VGLL1: variants seen among roughly 807,000 people sequenced by gnomAD.
VGLL1 encodes the protein transcription cofactor vestigial-like protein 1.
Under a neutral mutation model 12.0 loss-of-function variants are expected in VGLL1, and 4 were observed. That is an observed-to-expected ratio of 0.33 (90% CI 0.16 to 0.76). VGLL1 has a LOEUF of 0.76. Ranked by LOEUF, VGLL1 falls within the 30% of genes least tolerant of loss-of-function variation. The pLI is 0.60. For missense variants in VGLL1, 204 were observed against 208.7 expected (o/e 0.98, Z 0.14); for synonymous variants, 87 against 81.2 (o/e 1.07, Z -0.39).
chrX:136,551,249 G>T (rs761058823), intron 4 of VGLL1, among the ~76,000 whole-genome samples: 1 of 108,850 alleles, frequency 9.2e-6, no homozygotes, highest in South Asian at 4.1e-4. Flanking sequence ...TTTAACCTGA[G>T]CTGGACTTAA....
chrX:136,550,681 A>C, intron 3 of VGLL1, 87 bp from the exon 4 acceptor site: 11 of 671,182 alleles, frequency 1.6e-5, no homozygotes, highest in Non-Finnish European at 2.1e-5. Flanking sequence ...GGGCCAGGCA[A>C]TGTGGGGCCC....
chrX:136,548,692 G>T lies in VGLL1; in HGVS notation c.318G>T (p.Val106=), dbSNP rs763810399. The change falls in exon 3 of 5, where the codon GTG becomes GTT. Residue 106 remains valine (V), a synonymous_variant. Coordinates refer to ENST00000370634, the MANE Select transcript of VGLL1 (RefSeq NM_016267.4). ...TNRAANCNLH[V]PGPMAVNQFS... ...GTGCCGCCAACTGCAACTTGCATGTGCCTGGTCCCATGGCTGTGAATCAGT... is the reference window on the plus strand; with the variant it reads ...GTGCCGCCAACTGCAACTTGCATGTTCCTGGTCCCATGGCTGTGAATCAGT... 2 of 1,212,047 alleles carry T rather than the reference G, an allele frequency of 1.7e-6. No individual in the cohort carries two copies. The highest frequency in any genetic ancestry group is 1.8e-5 in the South Asian group (1 of 56,998).
At chrX:136,539,199 A>G (rs1055214455) in intron 2 of VGLL1, among the ~76,000 whole-genome samples, 6 of 112,117 alleles carry the variant, frequency 5.4e-5, no homozygotes, top group Non-Finnish European at 1.1e-4. Flanking sequence ...TCATCAAGCC[A>G]TGGTCTCACT....
Position 136,548,590 on chromosome X carries a change from T to C in VGLL1, c.216T>C (p.Asp72=), listed in dbSNP as rs1185051536. 1 of 1,206,371 alleles carries C rather than the reference T, an allele frequency of 8.3e-7. No individual in the cohort carries two copies. The highest frequency in any genetic ancestry group is 3.0e-5 in the East Asian group (1 of 33,683). The change falls in exon 3 of 5, where the codon GAT becomes GAC. Residue 72 remains aspartate, a splice_region_variant and synonymous_variant. Coordinates refer to ENST00000370634, the MANE Select transcript of VGLL1 (RefSeq NM_016267.4). ...SQSEGVMLKN[D]DSMSPNQWRY... is the part of the protein sequence containing the mutation. ...GTCTTCTAAATCTTTCCTTCTCAGA[T>C]GATAGCATGTCTCCAAATCAGTGGC... is the stretch of plus-strand genomic sequence containing the variant.
Position 136,544,250 on chromosome X carries a change from C to A in VGLL1, c.215-4339C>A, listed in dbSNP as rs1246229650. Reference sequence around the variant, plus strand: ...TATTTAGGTTGTTGCTAATCTTTCGCTATATTATACAAATCACTTTGAACA... The same window carrying A: ...TATTTAGGTTGTTGCTAATCTTTCGATATATTATACAAATCACTTTGAACA... On this transcript the variant is annotated intron_variant, in intron 2 of 4. Coordinates refer to ENST00000370634, the MANE Select transcript of VGLL1 (RefSeq NM_016267.4). Among the ~76,000 whole-genome samples, 3 of 112,382 alleles carry A rather than the reference C, an allele frequency of 2.7e-5. No homozygotes were observed. The East Asian group carries it at 8.3e-4, about 31-fold the overall frequency.
intron 4 of VGLL1, among the ~76,000 whole-genome samples, chrX:136,554,878 T>G (rs968394528): frequency 8.9e-6 from 1 of 112,579 alleles, no homozygotes; most frequent in African/African-American, 3.2e-5. Flanking sequence ...GGATATACCT[T>G]TTAAACAGTT....
chrX:136,538,637 G>C (rs748209835), intron 2 of VGLL1, among the ~76,000 whole-genome samples: 1 of 112,923 alleles, frequency 8.9e-6, no homozygotes, highest in East Asian at 2.8e-4. Context: ...TTTGTGTAAA[G>C]TGGACAAGTG....
chrX:136,555,434 T>C (rs112553447), intron 4 of VGLL1, among the ~76,000 whole-genome samples: 2 of 111,165 alleles, frequency 1.8e-5, no homozygotes, highest in African/African-American at 6.5e-5. Context: ...GCTAAAGAGA[T>C]TAATGGGGTT....
chrX:136,542,505 C>T (rs1437269555), intron 2 of VGLL1, among the ~76,000 whole-genome samples: 1 of 112,406 alleles, frequency 8.9e-6, no homozygotes, highest in African/African-American at 3.2e-5. Flanking sequence ...GAGAGGGGTA[C>T]GGTGTGCTTC....
chrX:136,538,076 C>T (rs2075845269), intron 2 of VGLL1, among the ~76,000 whole-genome samples: 1 of 111,685 alleles, frequency 9.0e-6, no homozygotes, highest in Non-Finnish European at 1.9e-5. Flanking sequence ...CCAGGTGTGT[C>T]TATTTGCTAA....
At position 136,548,809 on chromosome X, in the gene VGLL1, C is replaced by A; in HGVS notation, c.435C>A (p.Gly145=). ...CGGGCACCAGCTCCTTAGAGCCTGG[C>A]TACTCTCATCCCTTCCCCGCTCGGC... ...SLAGTSSLEP[G]YSHPFPARHL... Residue 145 remains glycine, a synonymous_variant, in exon 3 of 5, where the codon GGC becomes GGA. Coordinates refer to ENST00000370634, the MANE Select transcript of VGLL1 (RefSeq NM_016267.4). The A allele has an allele frequency of 8.2e-7, 1 of 1,212,229 alleles. No homozygotes were observed. Among genetic ancestry groups the A allele is most frequent in the Non-Finnish European group, 1.1e-6 (1 of 895,636 alleles).
At chrX:136,549,799 T>C (rs1170556339) in intron 3 of VGLL1, among the ~76,000 whole-genome samples, 1 of 111,746 alleles carries the variant, frequency 8.9e-6, no homozygotes, top group African/African-American at 3.3e-5. Flanking sequence ...AAAATCAACC[T>C]ACTCTGTTGC....
At chrX:136,532,625 CTTTCTTTCTTTCTTTCT>C (rs2075827109) in intron 1 of VGLL1, among the ~76,000 whole-genome samples, 1 of 93,639 alleles carries the variant, frequency 1.1e-5, no homozygotes, top group Non-Finnish European at 2.1e-5. Context: ...TTCTTTCTTT[CTTTCTTTCTTTCTTTCT>C]TTCTTTCTTT....
chrX:136,552,854 A>G lies in VGLL1; in HGVS notation c.688+2033A>G, dbSNP rs1022326302. On this transcript the variant is annotated intron_variant, in intron 4 of 4. Coordinates refer to ENST00000370634, the MANE Select transcript of VGLL1 (RefSeq NM_016267.4). ...ACAGTGAAAATTAGTCACTGGTGAG[A>G]TTATTTTACCACACATGAGTTCACT... 1.2e-4 allele frequency among the ~76,000 whole-genome samples: 13 copies of G among 112,143 alleles called. No homozygotes were observed. The Admixed American group carries it at 1.2e-3, about 11-fold the overall frequency.
At chrX:136,536,588 G>C (rs947268659) in intron 2 of VGLL1, among the ~76,000 whole-genome samples, 4 of 111,169 alleles carry the variant, frequency 3.6e-5, no homozygotes, top group Non-Finnish European at 5.7e-5. Flanking sequence ...CTTTAGGGCA[G>C]CTTTCCCTGA....
At chrX:136,542,475 G>A (rs777966084) in intron 2 of VGLL1, among the ~76,000 whole-genome samples, 1 of 112,299 alleles carries the variant, frequency 8.9e-6, no homozygotes, top group Non-Finnish European at 1.9e-5. Flanking sequence ...ATATGGTTAC[G>A]TTTTGGGGGT....
intron 2 of VGLL1, among the ~76,000 whole-genome samples, chrX:136,542,759 C>T (rs990378864): frequency 2.7e-5 from 3 of 112,263 alleles, no homozygotes; most frequent in African/African-American, 9.7e-5. Flanking sequence ...CCAAGTCCAT[C>T]GATCTCCAGA....
rs770292833 is a variant in VGLL1, at chrX:136,540,128, T to C, written c.214+3894T>C. ...TTGGTCTCATTGCTTCTTCCCTTCC[T>C]CTCCTTCAGTCTATTCTTAGGAGGG... On this transcript the variant is annotated intron_variant, in intron 2 of 4. Transcript: ENST00000370634. Among the ~76,000 whole-genome samples, 3 of 111,853 alleles carry C rather than the reference T, an allele frequency of 2.7e-5. No individual in the cohort carries two copies. The East Asian group carries it at 8.4e-4, about 31-fold the overall frequency.
At position 136,550,918 on chromosome X, in the gene VGLL1, A is replaced by G. The variant is rs769653396; in HGVS notation, c.688+97A>G. On this transcript the variant is annotated intron_variant, in intron 4 of 4. Coordinates refer to ENST00000370634, the MANE Select transcript of VGLL1 (RefSeq NM_016267.4). The stretch of plus-strand genomic sequence containing the variant: ...GTCTACTACTGGAGACACTGGTAGT[A>G]TAAAACCCAGAGTCTCCAGTAATGG... 113 of 775,081 alleles carry G rather than the reference A, an allele frequency of 1.5e-4. No homozygotes were observed. In the East Asian group the frequency reaches 3.6e-3, roughly 24 times the overall value. 63.9% of individuals were successfully genotyped at this position (775,081 alleles called of 1,213,427 possible).
Sources: gnomAD v4.1 joint callset for allele counts (sites outside exome capture counted in the v4.1 genomes callset) on GRCh38, gnomAD v4.1.1 for gene constraint, MANE v1.5 for transcripts, NCBI Gene and HGNC (gene_info 2026-07-23, HGNC 2026-07-21) for gene names.